Variants in FMN2 observed in about 807,000 individuals in gnomAD.
The protein encoded by FMN2 is formin 2.
In FMN2, 51 loss-of-function variants were observed where a neutral mutation model predicts 142.3. The ratio of observed to expected loss-of-function variants is 0.36; its 90% CI spans 0.29 to 0.45. The LOEUF is 0.45. Ranked by LOEUF, FMN2 falls within the 20% of genes least tolerant of loss-of-function variation. The pLI is 1.00. For synonymous variants in FMN2, 882 were observed against 869.8 expected, an observed-to-expected ratio of 1.01 and a Z score of -0.25; for missense variants, 1,936 against 2,122.8, an observed-to-expected ratio of 0.91 and a Z score of 1.73.
At chr1:240,421,667 C>T (rs1408622679) in intron 15 of FMN2, among the ~76,000 whole-genome samples, 1 of 152,068 alleles carries the variant, frequency 6.6e-6, no homozygotes, top group Non-Finnish European at 1.5e-5. Flanking sequence ...TTTCTTGTTT[C>T]ATTTTTTATT....
intron 13 of FMN2, among the ~76,000 whole-genome samples, chr1:240,340,681 T>C (rs1468005259): frequency 6.6e-6 from 1 of 152,254 alleles, no homozygotes; most frequent in African/African-American, 2.4e-5. Context: ...AAGATATTTT[T>C]GTTTTCTTCT....
At chr1:240,125,845 G>A (rs1662474947) in intron 2 of FMN2, among the ~76,000 whole-genome samples, 1 of 152,052 alleles carries the variant, frequency 6.6e-6, no homozygotes, top group Admixed American at 6.6e-5. Context: ...GTGTGGCATC[G>A]AGCGTGAAAA....
At chr1:240,189,120 TG>T (rs1665600402) in intron 4 of FMN2, among the ~76,000 whole-genome samples, 2 of 150,904 alleles carry the variant, frequency 1.3e-5, no homozygotes, top group Admixed American at 1.3e-4. Context: ...CCAAATTTTG[TG>T]GGTTTTTTTT....
intron 6 of FMN2, among the ~76,000 whole-genome samples, chr1:240,235,502 C>G (rs1667678801): frequency 6.6e-6 from 1 of 151,704 alleles, no homozygotes; most frequent in African/African-American, 2.4e-5. Flanking sequence ...GCTTCAAACT[C>G]CTGGGCTTAG....
At chr1:240,120,272 G>A (rs1406250696) in intron 1 of FMN2, among the ~76,000 whole-genome samples, 2 of 152,214 alleles carry the variant, frequency 1.3e-5, no homozygotes, top group Non-Finnish European at 2.9e-5. Context: ...GTATAGACTT[G>A]GCCTGGTTTT....
At chr1:240,152,383 A>G (rs1663823758) in intron 2 of FMN2, among the ~76,000 whole-genome samples, 1 of 151,732 alleles carries the variant, frequency 6.6e-6, no homozygotes, top group Non-Finnish European at 1.5e-5. Flanking sequence ...TTATAAGGCT[A>G]TAGTTTTTGA....
intron 14 of FMN2, among the ~76,000 whole-genome samples, chr1:240,380,711 T>A (rs1183050535): frequency 1.0e-4 from 11 of 109,734 alleles, no homozygotes; most frequent in South Asian, 6.0e-4. Flanking sequence ...AACTCAAAAC[T>A]AGTTAAAAAA....
intron 8 of FMN2, among the ~76,000 whole-genome samples, chr1:240,313,296 C>T (rs1458011937): frequency 6.6e-6 from 1 of 152,168 alleles, no homozygotes; most frequent in Non-Finnish European, 1.5e-5. Context: ...GCATAACGCC[C>T]TTTTCACTAT....
At position 240,093,456 on chromosome 1, in the gene FMN2, C is replaced by T; in HGVS notation, c.1347C>T (p.Pro449=). The T allele has an allele frequency of 6.2e-7, 1 of 1,613,502 alleles. No individual in the cohort carries two copies. The highest frequency in any genetic ancestry group is 8.5e-7 in the Non-Finnish European group (1 of 1,179,724). The change falls in exon 1 of 18, where the codon CCC becomes CCT. Residue 449 remains proline (P), a synonymous_variant. Transcript: ENST00000319653. The part of the protein sequence containing the change: ...QSPRIKRRPE[P]SLSRGSRTAL... ...CCAGGATCAAGAGGCGGCCGGAACCCTCCCTGAGCCGAGGGTCCAGAACTG... is the reference window on the plus strand; with the variant it reads ...CCAGGATCAAGAGGCGGCCGGAACCTTCCCTGAGCCGAGGGTCCAGAACTG...
intron 15 of FMN2, among the ~76,000 whole-genome samples, chr1:240,413,603 C>T (rs554881146): frequency 2.0e-5 from 3 of 152,152 alleles, no homozygotes; most frequent in Admixed American, 2.0e-4. Flanking sequence ...TGAGTACACA[C>T]AGTTAAAGAA....
chr1:240,361,123 T>TAATAATAAATA (rs1672448538), intron 14 of FMN2, among the ~76,000 whole-genome samples: 1 of 72,226 alleles, frequency 1.4e-5, no homozygotes, highest in Admixed American at 2.2e-4. Flanking sequence ...AGTATAATAA[T>TAATAATAAATA]AATAAATAAA....
intron 2 of FMN2, among the ~76,000 whole-genome samples, chr1:240,133,644 C>T (rs1222490884): frequency 6.6e-6 from 1 of 152,128 alleles, no homozygotes; most frequent in South Asian, 2.1e-4. Flanking sequence ...CATGTCTTCT[C>T]TCACTTGTGG....
chr1:240,370,438 C>T (rs564772338), intron 14 of FMN2, among the ~76,000 whole-genome samples: 2 of 152,246 alleles, frequency 1.3e-5, no homozygotes, highest in East Asian at 3.9e-4. Flanking sequence ...TCTACTTACC[C>T]ACCTTTTTTC....
chr1:240,332,037 CGT>C (rs947901430), intron 11 of FMN2, among the ~76,000 whole-genome samples: 1 of 152,030 alleles, frequency 6.6e-6, no homozygotes, highest in East Asian at 1.9e-4. Context: ...TCTCTGTGTA[CGT>C]GTGTGTGTGT....
intron 6 of FMN2, among the ~76,000 whole-genome samples, chr1:240,213,986 G>A (rs1446456062): frequency 6.6e-6 from 1 of 152,188 alleles, no homozygotes. Flanking sequence ...AGAATATCTT[G>A]TATTTCCAAA....
At chr1:240,248,062 G>A (rs1668137886) in intron 6 of FMN2, among the ~76,000 whole-genome samples, 2 of 151,880 alleles carry the variant, frequency 1.3e-5, no homozygotes, top group South Asian at 4.2e-4. Flanking sequence ...TCTAATGCTT[G>A]TACCCATTAA....
intron 16 of FMN2, among the ~76,000 whole-genome samples, chr1:240,465,347 TGTG>T (rs1676579898): frequency 9.6e-5 from 7 of 72,804 alleles, no homozygotes; most frequent in African/African-American, 5.0e-4. Context: ...TGTGTGTGTG[TGTG>T]TGTGTGTGTG....
At chr1:240,313,283 T>C (rs1364766747) in intron 8 of FMN2, among the ~76,000 whole-genome samples, 1 of 152,218 alleles carries the variant, frequency 6.6e-6, no homozygotes, top group East Asian at 1.9e-4. Flanking sequence ...TTCTAACAAA[T>C]ATGCATAACG....
rs561865139 is a variant in FMN2, at chr1:240,221,796, A to T, written c.4065+10561A>T. 2.8e-3 allele frequency among the ~76,000 whole-genome samples: 404 copies of T among 142,874 alleles called. 3 individuals are homozygous for T. The South Asian group carries it at 0.028, about 10-fold the overall frequency. 93.7% of individuals were successfully genotyped at this position (142,874 alleles called of 152,430 possible). A position where few individuals can be genotyped will look rare whatever the true frequency, so the allele number is the denominator to read the frequency against. On this transcript the variant is annotated intron_variant, in intron 6 of 17. Transcript: ENST00000319653. ...TGCTTTTGGTGTTTTAATCATGAAG[A>T]CTTTGCCCATGCCTATGTCCTGAAT... is the stretch of plus-strand genomic sequence containing the variant.
Sources: allele counts gnomAD v4.1 joint callset (sites outside exome capture counted in the v4.1 genomes callset), GRCh38; gene constraint gnomAD v4.1.1; transcripts MANE v1.5; gene names NCBI Gene and HGNC (gene_info 2026-07-23, HGNC 2026-07-21).